Variants in LTBP1 observed in about 807,000 individuals in gnomAD.
LTBP1 encodes latent transforming growth factor beta binding protein 1.
Under a neutral mutation model 207.6 loss-of-function variants are expected in LTBP1, and 129 were observed. That is an observed-to-expected ratio of 0.62 (90% confidence interval 0.54 to 0.72). The LOEUF (loss-of-function observed/expected upper bound fraction) is 0.72, where lower values mean the gene tolerates loss of function less well. Ranked by LOEUF, LTBP1 falls within the 30% of genes least tolerant of loss-of-function variation. The pLI, the probability that LTBP1 is intolerant of heterozygous loss-of-function variation, is 0.00. For synonymous variants in LTBP1, 963 were observed against 833.7 expected, an observed-to-expected ratio of 1.16 and a Z score of -2.67; for missense variants, 2,281 against 2,217.2, an observed-to-expected ratio of 1.03 and a Z score of -0.58.
At chr2:33,387,941 G>A (rs898535967) in intron 31 of LTBP1, among the ~76,000 whole-genome samples, 5 of 152,188 alleles carry the variant, frequency 3.3e-5, no homozygotes, top group African/African-American at 1.2e-4. Flanking sequence ...GGGGCCTGTA[G>A]CCTGCCTGCA....
intron 3 of LTBP1, among the ~76,000 whole-genome samples, chr2:33,096,993 G>A (rs1424669642): frequency 2.0e-5 from 3 of 152,184 alleles, no homozygotes; most frequent in East Asian, 3.8e-4. Context: ...GGTAGAAGGA[G>A]TGGGGATGGA....
intron 3 of LTBP1, among the ~76,000 whole-genome samples, chr2:33,032,015 G>A (rs1011758151): frequency 4.6e-5 from 7 of 152,168 alleles, no homozygotes; most frequent in African/African-American, 1.4e-4. Flanking sequence ...GGACTTGAGA[G>A]GAGAGGGATC....
rs148150323 is a variant in LTBP1, at chr2:32,971,723, T to C, written c.565+22778T>C. On this transcript the variant is annotated intron_variant, in intron 2 of 33. Transcript: ENST00000404816. ...TATTTTGTTGAGGATTTTGTATCTGTGTTCATCAAGGATATTGGCCTGAAG... is the reference window on the plus strand; with the variant it reads ...TATTTTGTTGAGGATTTTGTATCTGCGTTCATCAAGGATATTGGCCTGAAG... Among the ~76,000 whole-genome samples the C allele has an allele frequency of 5.7e-3, 862 of 152,318 alleles. 2 individuals carry two copies. Among genetic ancestry groups the C allele is most frequent in the Middle Eastern group, 0.01 (3 of 294 alleles).
chr2:33,252,355 G>A (rs909444428), intron 10 of LTBP1, among the ~76,000 whole-genome samples: 3 of 152,136 alleles, frequency 2.0e-5, no homozygotes, highest in African/African-American at 7.2e-5. Context: ...GGCAGTAGGT[G>A]ACTAGGTTTA....
chr2:33,125,742 A>G lies in LTBP1; in HGVS notation c.1034-9051A>G, dbSNP rs368680967. ...CTGCTCGGGAGGCTGAGGCAGGAGA[A>G]TCAGTTGAACCCGGGAGGTGGAGGT... On this transcript the variant is annotated intron_variant, in intron 4 of 33. Transcript: ENST00000404816. Among the ~76,000 whole-genome samples the G allele has an allele frequency of 9.2e-5, 14 of 152,012 alleles. No individual in the cohort carries two copies. The East Asian group carries it at 2.7e-3, about 29-fold the overall frequency.
At chr2:33,184,042 C>T (rs6752708) in intron 5 of LTBP1, among the ~76,000 whole-genome samples, 11,890 of 152,114 alleles carry the variant, frequency 0.078, 1,000 homozygotes, top group African/African-American at 0.21. Flanking sequence ...CATCAAGTTC[C>T]ACTGATTTTC....
intron 2 of LTBP1, among the ~76,000 whole-genome samples, chr2:32,975,583 G>GTTTTTTTTTGTTTTTTTTTTTTTTTTTT (rs1681598403): frequency 3.2e-5 from 1 of 31,360 alleles, no homozygotes; most frequent in Non-Finnish European, 5.4e-5. Context: ...TTCATTCTTT[G>GTTTTTTTTTGTTTTTTTTTTTTTTTTTT]TTTTTTTTTT....
chr2:33,192,806 T>C (rs1231197114), intron 7 of LTBP1, among the ~76,000 whole-genome samples: 1 of 152,192 alleles, frequency 6.6e-6, no homozygotes, highest in Non-Finnish European at 1.5e-5. Flanking sequence ...GATGCCAGCA[T>C]GTGACCAGGG....
At chr2:33,160,969 C>G (rs915762748) in intron 5 of LTBP1, among the ~76,000 whole-genome samples, 3 of 152,180 alleles carry the variant, frequency 2.0e-5, no homozygotes, top group Admixed American at 2.0e-4. Context: ...CTGGGTCTTT[C>G]TTGCCCCTCT....
At chr2:33,136,619 C>T (rs531972328) in intron 5 of LTBP1, among the ~76,000 whole-genome samples, 4 of 152,108 alleles carry the variant, frequency 2.6e-5, no homozygotes, top group Non-Finnish European at 5.9e-5. Flanking sequence ...TTACTCACTG[C>T]TCCTTTCCCT....
intron 2 of LTBP1, among the ~76,000 whole-genome samples, chr2:33,005,759 G>T (rs1050959990): frequency 6.6e-6 from 1 of 152,002 alleles, no homozygotes; most frequent in Non-Finnish European, 1.5e-5. Context: ...GCTAATTTTT[G>T]TATTTTTAGT....
At chr2:33,087,972 G>A (rs218175) in intron 3 of LTBP1, among the ~76,000 whole-genome samples, 134,684 of 152,228 alleles carry the variant, frequency 0.88, 61,604 homozygotes, top group East Asian at 1. Flanking sequence ...ATTCTATTAC[G>A]TATAGTTAAA....
At chr2:32,950,653 C>T (rs1289493233) in intron 2 of LTBP1, among the ~76,000 whole-genome samples, 1 of 151,636 alleles carries the variant, frequency 6.6e-6, no homozygotes, top group Admixed American at 6.6e-5. Context: ...ATTGCCTGTA[C>T]CTGGGTAGGG....
rs2086433688 is a variant in LTBP1, at chr2:33,179,768, G to A, written c.1202-7088G>A. On this transcript the variant is annotated intron_variant, in intron 5 of 33. Coordinates refer to ENST00000404816, the MANE Select transcript of LTBP1 (RefSeq NM_206943.4). ...GAAAGCGTATCCAATAGAAGATCCT[G>A]TAGCTATCCTTGTTTTTCCCCGGTT... Among the ~76,000 whole-genome samples, 6 of 152,246 alleles carry A rather than the reference G, an allele frequency of 3.9e-5. No homozygotes were observed. The South Asian group carries it at 1.2e-3, about 32-fold the overall frequency.
intron 5 of LTBP1, among the ~76,000 whole-genome samples, chr2:33,145,770 C>G (rs1158296912): frequency 6.6e-6 from 1 of 152,140 alleles, no homozygotes; most frequent in Admixed American, 6.5e-5. Flanking sequence ...AAATTGTGTA[C>G]TTGGTAAATA....
At chr2:33,239,911 T>G (rs2092238146) in intron 9 of LTBP1, among the ~76,000 whole-genome samples, 1 of 150,120 alleles carries the variant, frequency 6.7e-6, no homozygotes, top group African/African-American at 2.4e-5. Context: ...CTTAAATAAA[T>G]AAATAAATAA....
intron 2 of LTBP1, among the ~76,000 whole-genome samples, chr2:33,007,465 C>G: frequency 6.6e-6 from 1 of 152,164 alleles, no homozygotes; most frequent in East Asian, 1.9e-4. Flanking sequence ...CAGTTAAGAA[C>G]AGTTTGGAAA....
intron 31 of LTBP1, among the ~76,000 whole-genome samples, chr2:33,372,428 A>G (rs1338779300): frequency 6.6e-6 from 1 of 152,272 alleles, no homozygotes; most frequent in Non-Finnish European, 1.5e-5. Flanking sequence ...GTAGCCACAG[A>G]CACATTGGCA....
intron 31 of LTBP1, among the ~76,000 whole-genome samples, chr2:33,370,026 A>G (rs2095047803): frequency 1.3e-5 from 2 of 152,224 alleles, no homozygotes; most frequent in South Asian, 4.1e-4. Context: ...TGGTTTGGCA[A>G]CTTCTTTTCC....
Sources: gnomAD v4.1 joint callset for allele counts (sites outside exome capture counted in the v4.1 genomes callset) on GRCh38, gnomAD v4.1.1 for gene constraint, MANE v1.5 for transcripts, NCBI Gene and HGNC (gene_info 2026-07-23, HGNC 2026-07-21) for gene names.